ATP6V1A: variants seen among roughly 807,000 people sequenced by gnomAD.
The protein encoded by ATP6V1A is ATPase H+ transporting V1 subunit A.
In ATP6V1A, 18 loss-of-function variants were observed where a neutral mutation model predicts 70.1. The observed-to-expected ratio is 0.26, with a 90% CI of 0.18 to 0.38. ATP6V1A has a LOEUF of 0.38. Among genes scored for constraint, ATP6V1A ranks in the 10% least tolerant of loss-of-function variants. The probability of loss-of-function intolerance (pLI) is 1.00; values close to 1 mark genes in which losing one functional copy is unlikely to be tolerated. For synonymous variants in ATP6V1A, 232 were observed against 253.8 expected, an observed-to-expected ratio of 0.91 and a Z score of 0.82; for missense variants, 424 against 772.4, an observed-to-expected ratio of 0.55 and a Z score of 5.35.
intron 1 of ATP6V1A, among the ~76,000 whole-genome samples, chr3:113,755,098 G>T (rs955079159): frequency 6.6e-6 from 1 of 152,092 alleles, no homozygotes; most frequent in Non-Finnish European, 1.5e-5. Flanking sequence ...TTTTAGAGTA[G>T]TATTAATATA....
chr3:113,784,545 G>T lies in ATP6V1A; in HGVS notation c.426+107G>T, dbSNP rs150142182. On this transcript the variant is annotated intron_variant, in intron 4 of 14. Coordinates refer to ENST00000273398, the MANE Select transcript of ATP6V1A (RefSeq NM_001690.4). ...TCCAAATAAAAATAGACTACAGAAGGATAGTTTAAAGTTTTTCTTAACTCT... is the reference window on the plus strand; with the variant it reads ...TCCAAATAAAAATAGACTACAGAAGTATAGTTTAAAGTTTTTCTTAACTCT... 1.9e-4 allele frequency: 265 copies of T among 1,383,402 alleles called. 2 individuals carry two copies. In the African/African-American group the frequency reaches 3.4e-3, roughly 18 times the overall value. The allele number at this position is 1,383,402 out of a possible 1,614,324, so 85.7% of individuals were successfully genotyped here.
chr3:113,761,690 C>T (rs80072545), intron 1 of ATP6V1A, among the ~76,000 whole-genome samples: 1 of 147,646 alleles, frequency 6.8e-6, no homozygotes, highest in Non-Finnish European at 1.5e-5. Context: ...GAGCCAAGAT[C>T]GCGCCATTGC....
intron 1 of ATP6V1A, among the ~76,000 whole-genome samples, chr3:113,769,452 A>G (rs2108018316): frequency 6.6e-6 from 1 of 152,354 alleles, no homozygotes; most frequent in African/African-American, 2.4e-5. Context: ...CAAGTGTTAC[A>G]TCAAAATAAT....
At chr3:113,774,358 A>G (rs1167516154) in intron 1 of ATP6V1A, among the ~76,000 whole-genome samples, 2 of 152,256 alleles carry the variant, frequency 1.3e-5, no homozygotes, top group East Asian at 3.8e-4. Context: ...ATTAGTAGTC[A>G]TCAGTATTAC....
At chr3:113,782,555 T>C (rs190071740) in intron 3 of ATP6V1A, among the ~76,000 whole-genome samples, 3 of 146,964 alleles carry the variant, frequency 2.0e-5, no homozygotes, top group Non-Finnish European at 3.0e-5. Context: ...TATATATATA[T>C]ACATGTGTAT....
chr3:113,789,250 G>A (rs1709068216), intron 7 of ATP6V1A, among the ~76,000 whole-genome samples: 1 of 152,098 alleles, frequency 6.6e-6, no homozygotes. Context: ...TTTCCACCAT[G>A]TTGGCCAGGC....
chr3:113,770,486 T>C (rs915383145), intron 1 of ATP6V1A, among the ~76,000 whole-genome samples: 2 of 151,966 alleles, frequency 1.3e-5, no homozygotes, highest in East Asian at 3.9e-4. Flanking sequence ...CAGACTAGCC[T>C]GGTCAACTTG....
intron 1 of ATP6V1A, among the ~76,000 whole-genome samples, chr3:113,768,793 G>A (rs1260529918): frequency 4.6e-5 from 7 of 151,656 alleles, no homozygotes; most frequent in Non-Finnish European, 4.4e-5. Flanking sequence ...ATGGGATTTC[G>A]CCACGTTGGC....
chr3:113,805,778 C>T (rs1709269678), intron 14 of ATP6V1A, among the ~76,000 whole-genome samples: 1 of 152,084 alleles, frequency 6.6e-6, no homozygotes, highest in Non-Finnish European at 1.5e-5. Context: ...ACCATGTTGG[C>T]CAGGATGGTC....
At chr3:113,809,042 G>A (rs1429317456) in intron 14 of ATP6V1A, among the ~76,000 whole-genome samples, 2 of 151,896 alleles carry the variant, frequency 1.3e-5, no homozygotes, top group African/African-American at 2.4e-5. Context: ...TTGAGATCAG[G>A]AGTTCAAGAC....
Position 113,803,695 on chromosome 3 carries a change from C to T in ATP6V1A, c.1589+18C>T. On this transcript the variant is annotated intron_variant, in intron 13 of 14. Transcript: ENST00000273398. ...TATGACAGGTAAGCTATATTGATTT[C>T]CTTTTTTTATTTGAGGATTTTCTGT... 1 of 1,560,984 alleles carries T rather than the reference C, an allele frequency of 6.4e-7. No individual in the cohort carries two copies. The highest frequency in any genetic ancestry group is 1.2e-5 in the South Asian group (1 of 85,704).
chr3:113,770,029 T>TTTTATTTA (rs143157842), intron 1 of ATP6V1A, among the ~76,000 whole-genome samples: 3 of 147,806 alleles, frequency 2.0e-5, no homozygotes, highest in Middle Eastern at 3.5e-3. Flanking sequence ...GTATTCCTGC[T>TTTTATTTA]TTTATTTATT....
At chr3:113,781,626 T>A (rs1024889311) in intron 3 of ATP6V1A, among the ~76,000 whole-genome samples, 4 of 152,176 alleles carry the variant, frequency 2.6e-5, no homozygotes, top group Admixed American at 6.5e-5. Context: ...GAGACCTGAA[T>A]TATGCAGGAG....
chr3:113,774,557 G>A (rs1489001633), intron 1 of ATP6V1A, among the ~76,000 whole-genome samples: 4 of 152,144 alleles, frequency 2.6e-5, no homozygotes, highest in Admixed American at 6.6e-5. Flanking sequence ...GCTCACGCCT[G>A]TAATCCCAGC....
At chr3:113,788,150 C>T (rs929402261) in intron 6 of ATP6V1A, among the ~76,000 whole-genome samples, 27 of 152,086 alleles carry the variant, frequency 1.8e-4, no homozygotes, top group African/African-American at 6.3e-4. Context: ...TGGGCTCAGG[C>T]GGTCCTCCCA....
At chr3:113,795,842 T>C (rs1709148026) in intron 10 of ATP6V1A, 34 bp from the exon 11 acceptor site, 3 of 1,554,790 alleles carry the variant, frequency 1.9e-6, no homozygotes, top group African/African-American at 2.7e-5. Context: ...AATGACCATT[T>C]TTTTTGTAAT....
Position 113,795,009 on chromosome 3 carries a change from T to C in ATP6V1A, c.1111+15T>C. The C allele has an allele frequency of 6.2e-7, 1 of 1,613,490 alleles. No individual in the cohort carries two copies. The highest frequency in any genetic ancestry group is 8.5e-7 in the Non-Finnish European group (1 of 1,179,720). ...AATGCCTGCAGGTAAGTCTGTGTAT[T>C]GCTTATCATGTAAACAAGACTGATG... is the stretch of plus-strand genomic sequence containing the variant. On this transcript the variant is annotated intron_variant, in intron 9 of 14. Transcript: ENST00000273398.
chr3:113,787,496 G>A (rs1463340137), intron 6 of ATP6V1A, among the ~76,000 whole-genome samples: 1 of 152,118 alleles, frequency 6.6e-6, no homozygotes, highest in African/African-American at 2.4e-5. Flanking sequence ...TTTGGCTTAA[G>A]CCTCTCTGTA....
chr3:113,755,374 C>G (rs890895785), intron 1 of ATP6V1A, among the ~76,000 whole-genome samples: 4 of 143,408 alleles, frequency 2.8e-5, no homozygotes, highest in Non-Finnish European at 6.0e-5. Flanking sequence ...GAGGCCGATG[C>G]AGGCGGATTG....
Sources: allele counts gnomAD v4.1 joint callset (sites outside exome capture counted in the v4.1 genomes callset), GRCh38; gene constraint gnomAD v4.1.1; transcripts MANE v1.5; gene names NCBI Gene and HGNC (gene_info 2026-07-23, HGNC 2026-07-21).